The following LRP1B variants were observed in gnomAD, a reference collection of about 807,000 sequenced individuals.
LRP1B encodes low-density lipoprotein receptor-related protein 1B.
A neutral mutation model predicts 556.6 loss-of-function variants in LRP1B; 217 were observed. That is an observed-to-expected ratio of 0.39 (90% CI 0.35 to 0.44). The LOEUF is 0.44. Ranked by LOEUF, LRP1B falls within the 20% of genes least tolerant of loss-of-function variation. The pLI is 1.00. For synonymous variants in LRP1B, 2,047 were observed against 1,865.8 expected, an observed-to-expected ratio of 1.10 and a Z score of -2.50; for missense variants, 5,053 against 5,620.8, an observed-to-expected ratio of 0.90 and a Z score of 3.23.
intron 35 of LRP1B, among the ~76,000 whole-genome samples, chr2:140,768,694 A>G (rs1004950378): frequency 2.6e-5 from 4 of 151,944 alleles, no homozygotes; most frequent in Non-Finnish European, 5.9e-5. Flanking sequence ...TTGCTAAAAT[A>G]TCAGAAGGTA....
intron 1 of LRP1B, among the ~76,000 whole-genome samples, chr2:141,963,121 T>C (rs1236309754): frequency 6.6e-6 from 1 of 151,900 alleles, no homozygotes; most frequent in African/African-American, 2.4e-5. Flanking sequence ...ATAAAACTTA[T>C]ATATTTATCA....
intron 32 of LRP1B, among the ~76,000 whole-genome samples, chr2:140,779,792 GCAGAGGGGAGATA>G (rs1689633996): frequency 6.9e-6 from 1 of 144,194 alleles, no homozygotes; most frequent in African/African-American, 2.5e-5. Flanking sequence ...GTGTAGCAGT[GCAGAGGGGAGATA>G]TATATCATAA....
intron 6 of LRP1B, among the ~76,000 whole-genome samples, chr2:141,213,554 CCCACACAGACATGAGAGAATGTACAAACT>C (rs1682657709): frequency 6.6e-6 from 1 of 152,230 alleles, no homozygotes; most frequent in East Asian, 1.9e-4. Context: ...CTGAAGAAAA[CCCACACAGACATGAGAGAATGTACAAACT>C]CCACACAGAC....
chr2:140,733,368 C>A lies in LRP1B; in HGVS notation c.5759-16552G>T, dbSNP rs77928838. Among the ~76,000 whole-genome samples the A allele has an allele frequency of 5.9e-3, 896 of 151,636 alleles. 11 individuals are homozygous for A. The highest frequency in any genetic ancestry group is 0.02 in the African/African-American group (809 of 41,348). ...TTTGTATGAAAATTGATTATCAGAC[C>A]CTAAAGCTAAACAGTGAAAACTATG... On this transcript the variant is annotated intron_variant, in intron 35 of 90. Coordinates refer to ENST00000389484, the MANE Select transcript of LRP1B (RefSeq NM_018557.3).
chr2:140,301,149 T>A (rs1011361433), intron 83 of LRP1B, among the ~76,000 whole-genome samples: 1 of 152,082 alleles, frequency 6.6e-6, no homozygotes, highest in Non-Finnish European at 1.5e-5. Context: ...GAAGAATGAG[T>A]CTTTCTTCCC....
intron 66 of LRP1B, among the ~76,000 whole-genome samples, chr2:140,404,359 A>T (rs1324352268): frequency 6.6e-6 from 1 of 151,586 alleles, no homozygotes; most frequent in Non-Finnish European, 1.5e-5. Context: ...TTTTTAGTAG[A>T]GACGGGGTTT....
chr2:141,103,214 A>G (rs985263180), intron 7 of LRP1B, among the ~76,000 whole-genome samples: 36 of 152,114 alleles, frequency 2.4e-4, no homozygotes, highest in Admixed American at 1.9e-3. Context: ...ATGACTGGAA[A>G]ATTTCAAAAC....
chr2:141,374,847 A>G (rs1201585879), intron 3 of LRP1B, among the ~76,000 whole-genome samples: 1 of 152,066 alleles, frequency 6.6e-6, no homozygotes, highest in African/African-American at 2.4e-5. Context: ...CAATACTTTG[A>G]CTTCTTGATA....
intron 11 of LRP1B, among the ~76,000 whole-genome samples, chr2:141,034,541 G>C (rs1168387913): frequency 6.6e-6 from 1 of 152,034 alleles, no homozygotes; most frequent in Non-Finnish European, 1.5e-5. Context: ...CAAAAAGTGG[G>C]CGAAGGATAT....
chr2:141,472,501 G>A (rs35066985), intron 3 of LRP1B, among the ~76,000 whole-genome samples: 66,823 of 151,790 alleles, frequency 0.44, 15,021 homozygotes, highest in Non-Finnish European at 0.49. Flanking sequence ...AATTGTACCA[G>A]TGCACTCCAG....
chr2:140,343,021 G>T (rs1318080380), intron 77 of LRP1B, among the ~76,000 whole-genome samples: 1 of 150,874 alleles, frequency 6.6e-6, no homozygotes, highest in African/African-American at 2.4e-5. Context: ...TTGTGTGTGG[G>T]GTGTATATCT....
At chr2:142,034,418 C>T (rs1052950609) in intron 1 of LRP1B, among the ~76,000 whole-genome samples, 1 of 151,684 alleles carries the variant, frequency 6.6e-6, no homozygotes, top group East Asian at 1.9e-4. Context: ...TGGGAACATA[C>T]ATGTGTTTGC....
At chr2:140,289,923 A>T (rs1204980396) in intron 84 of LRP1B, among the ~76,000 whole-genome samples, 1 of 151,956 alleles carries the variant, frequency 6.6e-6, no homozygotes, top group Admixed American at 6.6e-5. Flanking sequence ...AAGGATCTTC[A>T]TGAGTTTTTA....
intron 1 of LRP1B, among the ~76,000 whole-genome samples, chr2:142,089,646 G>A (rs924871108): frequency 2.0e-5 from 3 of 152,186 alleles, no homozygotes; most frequent in Admixed American, 6.5e-5. Flanking sequence ...GGTAGGTTGA[G>A]GGATAGTTAT....
intron 1 of LRP1B, among the ~76,000 whole-genome samples, chr2:141,850,765 G>T (rs1697823416): frequency 6.6e-6 from 1 of 151,338 alleles, no homozygotes; most frequent in African/African-American, 2.4e-5. Flanking sequence ...TTGCATACCT[G>T]TCCCTCTGGT....
chr2:140,821,864 CG>C (rs1691340674), intron 31 of LRP1B, among the ~76,000 whole-genome samples: 1 of 151,868 alleles, frequency 6.6e-6, no homozygotes, highest in Non-Finnish European at 1.5e-5. Flanking sequence ...GAAACCCCAT[CG>C]CTACAAAAAA....
intron 18 of LRP1B, among the ~76,000 whole-genome samples, chr2:140,977,711 T>G (rs1263245008): frequency 6.6e-6 from 1 of 152,146 alleles, no homozygotes; most frequent in African/African-American, 2.4e-5. Flanking sequence ...TCAGAGACTC[T>G]GGAAATGGGG....
intron 35 of LRP1B, among the ~76,000 whole-genome samples, chr2:140,747,701 A>G (rs1176957515): frequency 6.6e-6 from 1 of 152,104 alleles, no homozygotes; most frequent in African/African-American, 2.4e-5. Flanking sequence ...AAGGTCTTAA[A>G]TCTCTTTCAT....
intron 32 of LRP1B, among the ~76,000 whole-genome samples, chr2:140,792,019 T>A (rs1306123811): frequency 1.3e-5 from 2 of 152,172 alleles, no homozygotes; most frequent in Non-Finnish European, 2.9e-5. Flanking sequence ...GAATGACTCA[T>A]TCCCTGACAG....
Sources: allele counts gnomAD v4.1 joint callset (sites outside exome capture counted in the v4.1 genomes callset), GRCh38; gene constraint gnomAD v4.1.1; transcripts MANE v1.5; gene names NCBI Gene and HGNC (gene_info 2026-07-23, HGNC 2026-07-21).